Variants in DNAH10 observed in about 807,000 individuals in gnomAD.
DNAH10 encodes the protein axonemal beta dynein heavy chain 10.
A neutral mutation model predicts 506.6 loss-of-function variants in DNAH10; 348 were observed. That is an observed-to-expected ratio of 0.69 (90% confidence interval 0.63 to 0.75). The LOEUF is 0.75. Ranked by LOEUF, DNAH10 falls within the 30% of genes least tolerant of loss-of-function variation. The probability of loss-of-function intolerance (pLI) is 0.00; values close to 1 mark genes in which losing one functional copy is unlikely to be tolerated. For missense variants in DNAH10, 5,179 were observed against 5,787.1 expected, an observed-to-expected ratio of 0.89 and a Z score of 3.41; for synonymous variants, 2,059 against 2,198.6, an observed-to-expected ratio of 0.94 and a Z score of 1.78.
At chr12:123,838,392 C>G in intron 28 of DNAH10, 64 bp from the exon 29 acceptor site, 5 of 1,467,392 alleles carry the variant, frequency 3.4e-6, no homozygotes, top group Non-Finnish European at 4.7e-6. Flanking sequence ...GTTCTGGGCT[C>G]AAGAACAGTG....
chr12:123,851,207 T>C (rs948122712), intron 35 of DNAH10, 131 bp downstream of exon 35: 1 of 976,136 alleles, frequency 1.0e-6, no homozygotes, highest in African/African-American at 1.8e-5. Context: ...CAGCTCCATG[T>C]GGCTCTTCCA....
intron 13 of DNAH10, among the ~76,000 whole-genome samples, chr12:123,798,368 C>G (rs1418314009): frequency 6.6e-6 from 1 of 152,216 alleles, no homozygotes; most frequent in East Asian, 1.9e-4. Context: ...GGGCAGGTAC[C>G]TCACACAGTG....
At chr12:123,894,879 A>G (rs559100652) in intron 54 of DNAH10, among the ~76,000 whole-genome samples, 156 bp downstream of exon 54, 2 of 152,336 alleles carry the variant, frequency 1.3e-5, no homozygotes, top group South Asian at 2.1e-4. Flanking sequence ...TTTGGTTTAT[A>G]TTTGGTGTTT....
At chr12:123,870,722 C>T (rs1020809704) in intron 44 of DNAH10, among the ~76,000 whole-genome samples, 16 of 152,270 alleles carry the variant, frequency 1.1e-4, no homozygotes, top group Non-Finnish European at 2.1e-4. Flanking sequence ...TCAGCTCTTT[C>T]CCCAGCAGGC....
At chr12:123,830,442 A>G (rs1419154797) in intron 25 of DNAH10, 104 bp from the exon 26 acceptor site, 1 of 1,276,760 alleles carries the variant, frequency 7.8e-7, no homozygotes, top group Admixed American at 2.5e-5. Context: ...ATTTCATTAT[A>G]AGAAGTTTAC....
At chr12:123,933,638 G>A in intron 77 of DNAH10, 127 bp downstream of exon 77, 1 of 1,091,294 alleles carries the variant, frequency 9.2e-7, no homozygotes, top group Non-Finnish European at 1.3e-6. Flanking sequence ...AAGCCAGCCT[G>A]CTGCAAATAT....
rs556267924 is a variant in DNAH10, at chr12:123,898,323, G to A, written c.9479-330G>A. On this transcript the variant is annotated intron_variant, in intron 55 of 78. Coordinates refer to ENST00000673944, the MANE Select transcript of DNAH10 (RefSeq NM_001372106.1). ...CCTCCTGGGTTCACGTGCTCCTCCC[G>A]CCTCAGCCTCCTGAGTAGCTGGGAC... 3.3e-5 allele frequency among the ~76,000 whole-genome samples: 5 copies of A among 152,288 alleles called. No individual in the cohort carries two copies. In the East Asian group the frequency reaches 5.8e-4, roughly 18 times the overall value.
rs1488857812 is a variant in DNAH10 at position 123,925,202 on chromosome 12, G to C, written c.11919G>C (p.Glu3973Asp). Reference protein sequence around the residue: ...VTDYVTVTMGEKYVQPPMISF... With the variant: ...VTDYVTVTMGDKYVQPPMISF... Reference sequence around the variant, plus strand: ...ACTATGTGACTGTAACAATGGGAGAGAAGTAAGTGTGTCGTTTTGTTGATT... The same window carrying C: ...ACTATGTGACTGTAACAATGGGAGACAAGTAAGTGTGTCGTTTTGTTGATT... Residue 3973 changes from glutamate to aspartate, a missense_variant and splice_region_variant, in exon 68 of 79, where the codon GAG (glutamate) becomes GAC (aspartate). By Grantham distance (45) the Glu-to-Asp change is conservative. Around this residue, in one of 3 missense-constraint regions of DNAH10, gnomAD observed 4,844 missense variants for 5,430.5 expected, o/e 0.89. Transcript: ENST00000673944. The surrounding 1 kb of genome is among the most constrained non-coding windows in gnomAD (Gnocchi z 4.0). 3.7e-6 allele frequency: 6 copies of C among 1,613,918 alleles called. No homozygotes were observed. The highest frequency in any genetic ancestry group is 4.2e-6 in the Non-Finnish European group (5 of 1,179,816).
intron 78 of DNAH10, 163 bp downstream of exon 78, chr12:123,934,929 C>A: frequency 1.0e-6 from 1 of 966,612 alleles, no homozygotes; most frequent in Non-Finnish European, 1.5e-6. Flanking sequence ...CGGATAGCTG[C>A]TTCCTGGAAA....
chr12:123,916,533 G>A lies in DNAH10; in HGVS notation c.10799G>A (p.Arg3600His), dbSNP rs199819171. ...AAGTACGGGACCCCTTTCCTGTTCC[G>A]CGATGTTGATGAATACATCGATCCT... Reference protein sequence around the residue: ...SIKYGTPFLFRDVDEYIDPVI... With the variant: ...SIKYGTPFLFHDVDEYIDPVI... The change falls in exon 63 of 79, where the codon CGC (arginine) becomes CAC (histidine). Residue 3600 changes from arginine (R) to histidine (H), a missense_variant. By Grantham distance (29) the Arg-to-His change is conservative. Transcript: ENST00000673944. The surrounding 1 kb of genome is among the most constrained non-coding windows in gnomAD (Gnocchi z 4.6). 124 of 1,613,672 alleles carry A rather than the reference G, an allele frequency of 7.7e-5. No individual in the cohort carries two copies. The Middle Eastern group carries it at 9.9e-4, about 13-fold the overall frequency.
rs1314106924 is a variant in DNAH10, at chr12:123,903,642, A to G, written c.9815+529A>G. Among the ~76,000 whole-genome samples the G allele has an allele frequency of 6.6e-6, 1 of 152,196 alleles. No homozygotes were observed. The highest frequency in any genetic ancestry group is 2.4e-5 in the African/African-American group (1 of 41,448). On this transcript the variant is annotated intron_variant, in intron 57 of 78. Coordinates refer to ENST00000673944, the MANE Select transcript of DNAH10 (RefSeq NM_001372106.1). This position sits in a 1 kb window ranked among gnomAD's most constrained non-coding sequence, Gnocchi z 4.6. ...AAGATGACCCTGTCCCCCACACCAG[A>G]GGGCTCATCTGCTGTCAGCGAGGGT...
intron 12 of DNAH10, among the ~76,000 whole-genome samples, chr12:123,795,381 G>A (rs934222156): frequency 6.6e-5 from 10 of 152,126 alleles, no homozygotes; most frequent in African/African-American, 2.2e-4. Flanking sequence ...TGCCACGGGT[G>A]TCCCTGGGTT....
chr12:123,772,864 C>T lies in DNAH10; in HGVS notation c.427C>T (p.His143Tyr). 6.2e-7 allele frequency: 1 copy of T among 1,607,962 alleles called. No homozygotes were observed. The highest frequency in any genetic ancestry group is 8.5e-7 in the Non-Finnish European group (1 of 1,177,766). The change falls in exon 4 of 79, where the codon CAT becomes TAT. Residue 143 changes from histidine to tyrosine, a missense_variant. This residue lies in a region of DNAH10 where 326 missense variants were observed against 330.8 expected (regional missense o/e 0.99). Coordinates refer to ENST00000673944, the MANE Select transcript of DNAH10 (RefSeq NM_001372106.1). ...RTAKHIMEKM[H>Y]LHMLCTPLPE... ...TGCGAAGCACATCATGGAAAAGATG[C>T]ATCTCCACATGCTCTGTACCCCTCT...
chr12:123,889,245 A>G (rs376276788), intron 52 of DNAH10, among the ~76,000 whole-genome samples: 11 of 152,170 alleles, frequency 7.2e-5, no homozygotes, highest in African/African-American at 2.7e-4. Context: ...GCGTGCCACT[A>G]TCTAGAGTTC....
rs145600905 is a variant in DNAH10, at chr12:123,783,129, A to G, written c.864A>G (p.Pro288=). 4 of 1,614,058 alleles carry G rather than the reference A, an allele frequency of 2.5e-6. No individual in the cohort carries two copies. In the African/African-American group the frequency reaches 5.3e-5, roughly 22 times the overall value. ...TAGGTGAGATCAAGTTAGAAATGCCAATCATCAGTGTGGAGGGAGAGGTGT... is the reference window on the plus strand; with the variant it reads ...TAGGTGAGATCAAGTTAGAAATGCCGATCATCAGTGTGGAGGGAGAGGTGT... The part of the protein sequence containing the change: ...QLEGEIKLEM[P]IISVEGEVSD... Residue 288 remains proline, a synonymous_variant, in exon 7 of 79, where the codon CCA becomes CCG. Transcript: ENST00000673944.
At position 123,935,399 on chromosome 12, in the gene DNAH10, T is replaced by C. The variant is rs756943577; in HGVS notation, c.13688T>C (p.Val4563Ala). 2 of 1,611,838 alleles carry C rather than the reference T, an allele frequency of 1.2e-6. No homozygotes were observed. Among genetic ancestry groups the C allele is most frequent in the Non-Finnish European group, 1.7e-6 (2 of 1,178,038 alleles). Residue 4563 changes from valine (V) to alanine (A), a missense_variant, in exon 79 of 79, where the codon GTT becomes GCT. Around this residue, in one of 3 missense-constraint regions of DNAH10, gnomAD observed 4,844 missense variants for 5,430.5 expected, o/e 0.89. Transcript: ENST00000673944. ...MRRNAMGVGL[V>A]FEADLFTTRH... ...AGGAACGCCATGGGAGTCGGCTTGG[T>C]TTTTGAAGCTGATCTCTTTACCACG...
chr12:123,856,985 G>C lies in DNAH10; in HGVS notation c.6439-71G>C, dbSNP rs1951418165. ...TATTTCATAAGAGTGTTACCACTGG[G>C]TTGGAAACACAGTCCAAAGCACTGG... On this transcript the variant is annotated intron_variant, in intron 36 of 78. Transcript: ENST00000673944. 3.9e-6 allele frequency: 5 copies of C among 1,268,352 alleles called. No individual in the cohort carries two copies. The South Asian group carries it at 1.1e-4, about 27-fold the overall frequency. The allele number at this position is 1,268,352 out of a possible 1,614,324, so 78.6% of individuals were successfully genotyped here.
chr12:123,791,372 A>G (rs1233541434), intron 11 of DNAH10, among the ~76,000 whole-genome samples: 1 of 152,164 alleles, frequency 6.6e-6, no homozygotes, highest in Admixed American at 6.5e-5. Context: ...TTTCAGTCTC[A>G]TGCAGGAAGC....
intron 13 of DNAH10, among the ~76,000 whole-genome samples, chr12:123,797,338 C>T (rs1565914974): frequency 6.6e-6 from 1 of 152,112 alleles, no homozygotes; most frequent in Non-Finnish European, 1.5e-5. Context: ...TTCTGTTGTC[C>T]TTGCATTCAT....
Sources: gnomAD v4.1 joint callset for allele counts (sites outside exome capture counted in the v4.1 genomes callset) on GRCh38, gnomAD v4.1.1 for gene constraint, gnomAD v4.1.1 regional missense constraint, Gnocchi (gnomAD v3.1) non-coding constraint, MANE v1.5 for transcripts, NCBI Gene and HGNC (gene_info 2026-07-23, HGNC 2026-07-21) for gene names.